Variants in EEFSEC observed in about 807,000 individuals in gnomAD.
EEFSEC encodes the protein selenocysteine-specific elongation factor.
In EEFSEC, 43 loss-of-function variants were observed where a neutral mutation model predicts 42.1. The ratio of observed to expected loss-of-function variants is 1.02; its 90% confidence interval spans 0.80 to 1.32. The LOEUF is 1.32. Ranked by LOEUF, EEFSEC falls within the 40% of genes most tolerant of loss-of-function variation. The pLI is 0.00. For synonymous variants in EEFSEC, 354 were observed against 339.1 expected (o/e 1.04, Z -0.48); for missense variants, 745 against 803.6 (o/e 0.93, Z 0.88).
At chr3:128,349,478 T>C (rs574755414) in intron 5 of EEFSEC, among the ~76,000 whole-genome samples, 4 of 152,284 alleles carry the variant, frequency 2.6e-5, no homozygotes, top group Non-Finnish European at 5.9e-5. Flanking sequence ...AAATCATGAC[T>C]TTTCAGGACT....
At chr3:128,415,684 G>A in the EEFSEC span, among the ~76,000 whole-genome samples, 1 of 152,190 alleles carries the variant, frequency 6.6e-6, no homozygotes, top group Non-Finnish European at 1.5e-5. Context: ...CTCAACCTCG[G>A]GGCTCTCGCA....
chr3:128,378,672 C>G (rs899847177), intron 6 of EEFSEC, among the ~76,000 whole-genome samples: 1 of 152,182 alleles, frequency 6.6e-6, no homozygotes, highest in African/African-American at 2.4e-5. Context: ...AAAGCCAGTA[C>G]AGGACTCAGG....
chr3:128,180,237 G>A (rs549473192), intron 1 of EEFSEC, among the ~76,000 whole-genome samples: 24 of 152,230 alleles, frequency 1.6e-4, no homozygotes, highest in Non-Finnish European at 2.1e-4. Flanking sequence ...ACAAAACTAC[G>A]AAGGACTTCA....
At chr3:128,153,930 C>G (rs1451588264) in intron 1 of EEFSEC, 107 bp downstream of exon 1, 1 of 1,393,674 alleles carries the variant, frequency 7.2e-7, no homozygotes, top group Non-Finnish European at 9.3e-7. Flanking sequence ...ATCGCCCCAC[C>G]TCATTGGTGG....
intron 1 of EEFSEC, among the ~76,000 whole-genome samples, chr3:128,239,401 C>A (rs1207425044): frequency 1.3e-5 from 2 of 152,142 alleles, no homozygotes; most frequent in Non-Finnish European, 2.9e-5. Flanking sequence ...GGGTGAGGTG[C>A]CCTCCTCCAA....
intron 1 of EEFSEC, among the ~76,000 whole-genome samples, chr3:128,163,569 AGT>A (rs2065212915): frequency 6.6e-6 from 1 of 151,822 alleles, no homozygotes; most frequent in Non-Finnish European, 1.5e-5. Flanking sequence ...CATTTCACTG[AGT>A]GTACACTAAG....
chr3:128,293,676 A>ACAAC (rs1559906639), intron 4 of EEFSEC, among the ~76,000 whole-genome samples: 1 of 149,586 alleles, frequency 6.7e-6, no homozygotes, highest in Admixed American at 6.6e-5. Flanking sequence ...AAAAAAAAAA[A>ACAAC]AAAAAAAAAA....
At chr3:128,390,333 G>C (rs553194572) in intron 6 of EEFSEC, among the ~76,000 whole-genome samples, 9 of 152,238 alleles carry the variant, frequency 5.9e-5, no homozygotes, top group Non-Finnish European at 7.3e-5. Context: ...CTGGCTGTGA[G>C]ATGGGCATGG....
At chr3:128,398,217 G>A (rs1455193796) in intron 6 of EEFSEC, among the ~76,000 whole-genome samples, 1 of 152,196 alleles carries the variant, frequency 6.6e-6, no homozygotes, top group South Asian at 2.1e-4. Flanking sequence ...TTGGCCCTAG[G>A]GGAAGGCTGG....
chr3:128,319,217 G>A lies in EEFSEC; in HGVS notation c.787-22016G>A, dbSNP rs553386499. Among the ~76,000 whole-genome samples the A allele has an allele frequency of 1.6e-4, 25 of 152,298 alleles. 1 individual carries two copies. The East Asian group carries it at 1.9e-3, about 12-fold the overall frequency. On this transcript the variant is annotated intron_variant, in intron 4 of 6. Coordinates refer to ENST00000254730, the MANE Select transcript of EEFSEC (RefSeq NM_021937.5). ...ATTTTCTGTGGCTCCTGACCCTCAA[G>A]GCAGAAGTAGCAGGCCAGCGGGCGG... is the stretch of plus-strand genomic sequence containing the variant.
At chr3:128,266,405 G>A (rs2066354178) in intron 4 of EEFSEC, among the ~76,000 whole-genome samples, 1 of 152,066 alleles carries the variant, frequency 6.6e-6, no homozygotes, top group East Asian at 2.0e-4. Context: ...GTTGGATATA[G>A]GGAAGGGGCA....
chr3:128,330,183 T>C lies in EEFSEC; in HGVS notation c.787-11050T>C, dbSNP rs534131886. 3.9e-5 allele frequency among the ~76,000 whole-genome samples: 6 copies of C among 152,340 alleles called. No individual in the cohort carries two copies. In the East Asian group the frequency reaches 1.2e-3, roughly 29 times the overall value. ...CTGGGAGGAGGAGCGTAAAGCTCCCTGGTGAAGCTCCCTGGTAGGCCCCTT... is the reference window on the plus strand; with the variant it reads ...CTGGGAGGAGGAGCGTAAAGCTCCCCGGTGAAGCTCCCTGGTAGGCCCCTT... On this transcript the variant is annotated intron_variant, in intron 4 of 6. Transcript: ENST00000254730.
chr3:128,302,389 T>G (rs954815484), intron 4 of EEFSEC, among the ~76,000 whole-genome samples: 1 of 152,208 alleles, frequency 6.6e-6, no homozygotes, highest in African/African-American at 2.4e-5. Flanking sequence ...GTGCCCCTTG[T>G]CTGGTGCTTC....
chr3:128,321,069 A>G (rs998597517), intron 4 of EEFSEC, among the ~76,000 whole-genome samples: 2 of 152,162 alleles, frequency 1.3e-5, no homozygotes, highest in African/African-American at 4.8e-5. Flanking sequence ...TGGCACAAAT[A>G]TGTGTGGGAG....
chr3:128,194,383 A>G (rs1026245308), intron 1 of EEFSEC, among the ~76,000 whole-genome samples: 1 of 152,200 alleles, frequency 6.6e-6, no homozygotes, highest in African/African-American at 2.4e-5. Context: ...TCTGCAGGTC[A>G]GATGCTTTTG....
At chr3:128,190,218 T>C (rs1185503140) in intron 1 of EEFSEC, among the ~76,000 whole-genome samples, 2 of 152,220 alleles carry the variant, frequency 1.3e-5, no homozygotes, top group African/African-American at 4.8e-5. Flanking sequence ...AGGCAGGTCC[T>C]TCAGGATGTA....
chr3:128,229,272 C>T lies in EEFSEC; in HGVS notation c.317-17564C>T, dbSNP rs554966561. 2.6e-5 allele frequency among the ~76,000 whole-genome samples: 4 copies of T among 152,294 alleles called. 1 individual carries two copies. The highest frequency in any genetic ancestry group is 2.1e-4 in the South Asian group (1 of 4,820). On this transcript the variant is annotated intron_variant, in intron 1 of 6. Transcript: ENST00000254730. ...GAGCGAGTGTTTGGCAGCCTCTGCA[C>T]GGCCTTTTCATCAGCTTTGGAAGAA...
At chr3:128,329,479 A>G (rs2067102728) in intron 4 of EEFSEC, among the ~76,000 whole-genome samples, 1 of 152,170 alleles carries the variant, frequency 6.6e-6, no homozygotes, top group South Asian at 2.1e-4. Context: ...ATGGCTACAT[A>G]GCAAGTATCG....
intron 6 of EEFSEC, among the ~76,000 whole-genome samples, chr3:128,406,841 TATATATATACACATATATATAC>T (rs1216240921): frequency 1.3e-5 from 2 of 151,406 alleles, no homozygotes; most frequent in Non-Finnish European, 2.9e-5. Flanking sequence ...CACACAAATA[TATATATATACACATATATATAC>T]ATATATATAC....
Sources: allele counts gnomAD v4.1 joint callset (sites outside exome capture counted in the v4.1 genomes callset), GRCh38; gene constraint gnomAD v4.1.1; transcripts MANE v1.5; gene names NCBI Gene and HGNC (gene_info 2026-07-23, HGNC 2026-07-21).